The following CSMD1 variants were observed in gnomAD, a reference collection of about 807,000 sequenced individuals.
The protein encoded by CSMD1 is CUB and Sushi multiple domains 1.
In CSMD1, 213 loss-of-function variants were observed where a neutral mutation model predicts 417.5. The ratio of observed to expected loss-of-function variants is 0.51; its 90% CI spans 0.46 to 0.57. The LOEUF (loss-of-function observed/expected upper bound fraction) is 0.57, where lower values mean the gene tolerates loss of function less well. Ranked by LOEUF, CSMD1 falls within the 20% of genes least tolerant of loss-of-function variation. The probability of loss-of-function intolerance (pLI) is 0.00; values close to 1 mark genes in which losing one functional copy is unlikely to be tolerated. For synonymous variants in CSMD1, 2,862 were observed against 1,736.8 expected (o/e 1.65, Z -16.11); for missense variants, 6,923 against 4,529.7 (o/e 1.53, Z -15.17).
At chr8:3,655,583 G>A (rs1449925431) in intron 7 of CSMD1, among the ~76,000 whole-genome samples, 2 of 151,668 alleles carry the variant, frequency 1.3e-5, no homozygotes, top group African/African-American at 4.8e-5. Context: ...CCCCACTGAT[G>A]AATGCCCGTC....
chr8:4,336,217 T>C (rs1471782774), intron 3 of CSMD1, among the ~76,000 whole-genome samples: 2 of 152,304 alleles, frequency 1.3e-5, no homozygotes, highest in South Asian at 2.1e-4. Context: ...GTAGTATGAA[T>C]GCACCTGTAG....
chr8:3,447,815 G>A (rs1175689257), intron 12 of CSMD1, among the ~76,000 whole-genome samples: 1 of 152,112 alleles, frequency 6.6e-6, no homozygotes, highest in African/African-American at 2.4e-5. Flanking sequence ...AGGACCACTT[G>A]GGGCCATTTT....
chr8:4,317,385 C>T (rs900957050), intron 3 of CSMD1, among the ~76,000 whole-genome samples: 1 of 152,074 alleles, frequency 6.6e-6, no homozygotes, highest in African/African-American at 2.4e-5. Context: ...TTCATTCTAC[C>T]CTGCTGTAAA....
chr8:3,770,549 G>A (rs1400290731), intron 5 of CSMD1, among the ~76,000 whole-genome samples: 2 of 151,936 alleles, frequency 1.3e-5, no homozygotes, highest in African/African-American at 4.8e-5. Context: ...TAAATAAAAA[G>A]TAAAGAAAGA....
At position 3,171,115 on chromosome 8, in the gene CSMD1, G is replaced by C. The variant is rs1322465663; in HGVS notation, c.5726-8838C>G. 7.2e-5 allele frequency among the ~76,000 whole-genome samples: 11 copies of C among 152,226 alleles called. No individual in the cohort carries two copies. The South Asian group carries it at 1.0e-3, about 14-fold the overall frequency. ...TAGTTCATGAGAATGACAAGATTTG[G>C]GGAAACAGATATTTTAAAATGAGAA... On this transcript the variant is annotated intron_variant, in intron 37 of 69. Transcript: ENST00000635120.
intron 6 of CSMD1, among the ~76,000 whole-genome samples, chr8:3,742,182 C>T (rs565582221): frequency 1.3e-5 from 2 of 152,160 alleles, no homozygotes; most frequent in East Asian, 3.9e-4. Flanking sequence ...CTTCTATAGC[C>T]CACCATTAAG....
At chr8:3,434,920 A>G (rs939351205) in intron 12 of CSMD1, among the ~76,000 whole-genome samples, 5 of 152,242 alleles carry the variant, frequency 3.3e-5, no homozygotes, top group African/African-American at 4.8e-5. Context: ...TAAGTCAACT[A>G]TCACGGGCTA....
chr8:3,327,843 A>C (rs1039307056), intron 23 of CSMD1, among the ~76,000 whole-genome samples: 8 of 152,080 alleles, frequency 5.3e-5, no homozygotes, highest in Admixed American at 1.3e-4. Context: ...ATTTCTCTTC[A>C]CCTGCATATG....
intron 2 of CSMD1, among the ~76,000 whole-genome samples, chr8:4,572,081 CTGTGTCTT>C (rs1798920883): frequency 6.6e-6 from 1 of 152,202 alleles, no homozygotes; most frequent in South Asian, 2.1e-4. Flanking sequence ...ATTTTCCAGT[CTGTGTCTT>C]TTAATTGGGG....
At chr8:4,312,705 C>G (rs1389240282) in intron 3 of CSMD1, among the ~76,000 whole-genome samples, 1 of 151,862 alleles carries the variant, frequency 6.6e-6, no homozygotes, top group Non-Finnish European at 1.5e-5. Context: ...GACGAAACCC[C>G]ATTTCTACTA....
chr8:3,821,299 C>T (rs186806317), intron 5 of CSMD1, among the ~76,000 whole-genome samples: 1 of 152,292 alleles, frequency 6.6e-6, no homozygotes, highest in African/African-American at 2.4e-5. Context: ...ACCAGCAACA[C>T]AGTCATTATT....
At chr8:4,805,587 G>T (rs940636057) in intron 1 of CSMD1, among the ~76,000 whole-genome samples, 2 of 152,172 alleles carry the variant, frequency 1.3e-5, no homozygotes, top group African/African-American at 4.8e-5. Context: ...AGAGGAAGAC[G>T]CTGAGCCAAA....
chr8:3,786,900 TAATAC>T, intron 5 of CSMD1, among the ~76,000 whole-genome samples: 1 of 152,118 alleles, frequency 6.6e-6, no homozygotes, highest in Non-Finnish European at 1.5e-5. Context: ...CCCCACCTCC[TAATAC>T]TAGCACCTTT....
At chr8:4,469,009 A>C (rs766487106) in intron 2 of CSMD1, among the ~76,000 whole-genome samples, 1 of 152,214 alleles carries the variant, frequency 6.6e-6, no homozygotes, top group African/African-American at 2.4e-5. Context: ...CTCTAAAAGG[A>C]AAAAAAGTTC....
intron 2 of CSMD1, among the ~76,000 whole-genome samples, chr8:4,614,843 GAAT>G (rs1399144368): frequency 6.6e-6 from 1 of 151,938 alleles, no homozygotes; most frequent in Non-Finnish European, 1.5e-5. Context: ...TTTTAAAAAT[GAAT>G]AATATGAAAA....
chr8:3,943,134 G>A (rs62481634), intron 5 of CSMD1, among the ~76,000 whole-genome samples: 15,635 of 152,010 alleles, frequency 0.1, 1,116 homozygotes, highest in South Asian at 0.17. Context: ...TAAACAAGCT[G>A]AATGCATTGT....
chr8:4,062,930 C>A (rs2552168), intron 3 of CSMD1, among the ~76,000 whole-genome samples: 35,230 of 145,792 alleles, frequency 0.24, 4,847 homozygotes, highest in East Asian at 0.64. Flanking sequence ...AAAAAAAATT[C>A]TTCTATATAA....
At chr8:4,135,670 T>A (rs902229926) in intron 3 of CSMD1, among the ~76,000 whole-genome samples, 15 of 152,130 alleles carry the variant, frequency 9.9e-5, no homozygotes, top group Middle Eastern at 3.2e-3. Context: ...ACCAAAATAT[T>A]TGGATATTTT....
chr8:3,031,824 G>C (rs1193340203), intron 50 of CSMD1, among the ~76,000 whole-genome samples: 2 of 148,922 alleles, frequency 1.3e-5, no homozygotes, highest in East Asian at 2.0e-4. Flanking sequence ...GGTTTGGTTT[G>C]TAATTATCTT....
Sources: allele counts gnomAD v4.1 joint callset (sites outside exome capture counted in the v4.1 genomes callset), GRCh38; gene constraint gnomAD v4.1.1; transcripts MANE v1.5; gene names NCBI Gene and HGNC (gene_info 2026-07-23, HGNC 2026-07-21).